The following SPOPL variants were observed in gnomAD, a reference collection of about 807,000 sequenced individuals.
SPOPL encodes the protein speckle-type POZ protein-like.
SPOPL carries 23 observed loss-of-function variants against 53.8 expected under a neutral mutation model. The ratio of observed to expected loss-of-function variants is 0.43; its 90% CI spans 0.31 to 0.61. SPOPL has a LOEUF of 0.61. Among genes scored for constraint, SPOPL ranks in the 20% least tolerant of loss-of-function variants. The pLI is 0.12. For missense variants in SPOPL, 442 were observed against 466.9 expected (o/e 0.95, Z 0.49); for synonymous variants, 164 against 149.7 (o/e 1.10, Z -0.70).
At chr2:138,515,539 A>T (rs969337843) in intron 1 of SPOPL, among the ~76,000 whole-genome samples, 1 of 152,196 alleles carries the variant, frequency 6.6e-6, no homozygotes, top group Non-Finnish European at 1.5e-5. Flanking sequence ...TAAATTTCAC[A>T]GAAGTGTTGC....
intron 1 of SPOPL, among the ~76,000 whole-genome samples, chr2:138,541,251 G>A (rs922496811): frequency 8.5e-5 from 13 of 152,130 alleles, no homozygotes; most frequent in African/African-American, 2.9e-4. Context: ...GATGATGCTG[G>A]CCTCATAAAA....
At chr2:138,519,077 G>A (rs1326799903) in intron 1 of SPOPL, among the ~76,000 whole-genome samples, 1 of 152,166 alleles carries the variant, frequency 6.6e-6, no homozygotes, top group Admixed American at 6.5e-5. Flanking sequence ...GAGACCCAGA[G>A]ACCTTACACT....
chr2:138,549,710 T>C (rs970194512), intron 1 of SPOPL, among the ~76,000 whole-genome samples: 1 of 152,160 alleles, frequency 6.6e-6, no homozygotes, highest in Non-Finnish European at 1.5e-5. Flanking sequence ...TATGTTTTAC[T>C]TGACGAAAAC....
chr2:138,560,962 C>A, intron 8 of SPOPL, 35 bp downstream of exon 8: 2 of 1,584,860 alleles, frequency 1.3e-6, no homozygotes, highest in Non-Finnish European at 8.5e-7. Flanking sequence ...CAAAATATAC[C>A]CTCAAGCTTG....
At chr2:138,525,235 C>T (rs1224801060) in intron 1 of SPOPL, among the ~76,000 whole-genome samples, 5 of 152,126 alleles carry the variant, frequency 3.3e-5, no homozygotes, top group African/African-American at 7.2e-5. Context: ...GGGAAAGTCC[C>T]GTTTTTAAAA....
chr2:138,565,222 A>C (rs1328438177), intron 10 of SPOPL, among the ~76,000 whole-genome samples: 2 of 152,160 alleles, frequency 1.3e-5, no homozygotes, highest in Non-Finnish European at 2.9e-5. Flanking sequence ...TTAAGCGCAT[A>C]ATGCCATGTA....
intron 7 of SPOPL, among the ~76,000 whole-genome samples, chr2:138,560,166 C>T (rs1685513237): frequency 6.6e-6 from 1 of 152,160 alleles, no homozygotes; most frequent in Non-Finnish European, 1.5e-5. Flanking sequence ...TTGGACTTGA[C>T]TATTTTTCAG....
At position 138,510,963 on chromosome 2, in the gene SPOPL, C is replaced by T. The variant is rs1219565549; in HGVS notation, c.-61+8844C>T. ...CACTTAGGATCAGTTTAAACCTTTA[C>T]TAACTGTTTAGGAATTAAGTTTTGG... On this transcript the variant is annotated intron_variant, in intron 1 of 10. Coordinates refer to ENST00000280098, the MANE Select transcript of SPOPL (RefSeq NM_001001664.3). Among the ~76,000 whole-genome samples the T allele has an allele frequency of 7.9e-5, 12 of 152,102 alleles. 1 individual carries two copies. Among genetic ancestry groups the T allele is most frequent in the Admixed American group, 7.9e-4 (12 of 15,268 alleles).
intron 4 of SPOPL, 78 bp from the exon 5 acceptor site, chr2:138,552,476 T>G: frequency 1.3e-6 from 2 of 1,489,430 alleles, no homozygotes; most frequent in Non-Finnish European, 1.8e-6. Flanking sequence ...TTTCACACAT[T>G]TTATTTAACT....
At chr2:138,540,027 G>T (rs1038702843) in intron 1 of SPOPL, among the ~76,000 whole-genome samples, 1 of 152,120 alleles carries the variant, frequency 6.6e-6, no homozygotes, top group Non-Finnish European at 1.5e-5. Context: ...TCTTGTTTTT[G>T]TCAGATTTGT....
At chr2:138,558,591 G>T (rs10209077) in intron 5 of SPOPL, among the ~76,000 whole-genome samples, 39,224 of 151,804 alleles carry the variant, frequency 0.26, 6,776 homozygotes, top group Non-Finnish European at 0.38. Flanking sequence ...AAGTCATTTT[G>T]ACTTTTAAAC....
At chr2:138,543,375 TCAGA>T (rs1370663502) in intron 1 of SPOPL, among the ~76,000 whole-genome samples, 1 of 152,266 alleles carries the variant, frequency 6.6e-6, no homozygotes, top group Non-Finnish European at 1.5e-5. Flanking sequence ...GGTACACCAA[TCAGA>T]CATAGATTTG....
intron 1 of SPOPL, among the ~76,000 whole-genome samples, chr2:138,517,799 C>G (rs1684471609): frequency 6.6e-6 from 1 of 150,862 alleles, no homozygotes; most frequent in Admixed American, 6.6e-5. Context: ...GTAATCCCAG[C>G]AGTTTGGGAG....
intron 1 of SPOPL, among the ~76,000 whole-genome samples, chr2:138,528,950 G>C (rs966103021): frequency 1.3e-5 from 2 of 152,122 alleles, no homozygotes; most frequent in African/African-American, 4.8e-5. Context: ...AAATACTTAA[G>C]CCTGGCATAT....
chr2:138,520,401 AT>A (rs1558863850), intron 1 of SPOPL, among the ~76,000 whole-genome samples: 1 of 152,198 alleles, frequency 6.6e-6, no homozygotes, highest in African/African-American at 2.4e-5. Context: ...GCTTAAAAAT[AT>A]ATACATACCT....
chr2:138,536,970 G>A (rs959589078), intron 1 of SPOPL, among the ~76,000 whole-genome samples: 19 of 152,192 alleles, frequency 1.2e-4, no homozygotes, highest in African/African-American at 3.6e-4. Context: ...TTATCTTCAC[G>A]CTCTTTGTAT....
rs1335560535 is a variant in SPOPL, at chr2:138,573,370, G to GT, written c.*4296dup. The GT allele has an allele frequency of 1.3e-5, 2 of 152,074 alleles. No individual in the cohort carries two copies. Among genetic ancestry groups the GT allele is most frequent in the East Asian group, 3.9e-4 (2 of 5,194 alleles). 9.4% of individuals were successfully genotyped at this position (152,074 alleles called of 1,614,324 possible). ...GTCTTTTCTACATAGGGGAGCTCTT[G>GT]TTTTTTGGAACCAATTGAAGACATT... On this transcript the variant is annotated 3_prime_UTR_variant, in exon 11 of 11. Transcript: ENST00000280098.
In SPOPL at chr2:138,549,840, A is replaced by G. The variant is rs73959469; in HGVS notation, c.-60-317A>G. 8.5e-3 allele frequency among the ~76,000 whole-genome samples: 1,301 copies of G among 152,256 alleles called. 23 individuals carry two copies. The highest frequency in any genetic ancestry group is 0.03 in the African/African-American group (1,243 of 41,566). On this transcript the variant is annotated intron_variant, in intron 1 of 10. Coordinates refer to ENST00000280098, the MANE Select transcript of SPOPL (RefSeq NM_001001664.3). ...GATGAACCAGATATTAACTGATGTC[A>G]TTATGTTTCCATGATATTTTGTGAT...
chr2:138,553,797 T>C (rs1470022076), intron 5 of SPOPL, among the ~76,000 whole-genome samples: 2 of 152,174 alleles, frequency 1.3e-5, no homozygotes, highest in African/African-American at 2.4e-5. Flanking sequence ...TATCATTAAA[T>C]AACTGGGAAG....
Sources: gnomAD v4.1 joint callset for allele counts (sites outside exome capture counted in the v4.1 genomes callset) on GRCh38, gnomAD v4.1.1 for gene constraint, MANE v1.5 for transcripts, NCBI Gene and HGNC (gene_info 2026-07-23, HGNC 2026-07-21) for gene names.